The following NR3C2 variants were observed in gnomAD, a reference collection of about 807,000 sequenced individuals.
NR3C2 encodes the protein nuclear receptor subfamily 3 group C member 2.
In NR3C2, 15 loss-of-function variants were observed where a neutral mutation model predicts 86.4. That is an observed-to-expected ratio of 0.17 (90% CI 0.12 to 0.27). NR3C2 has a LOEUF of 0.27. NR3C2 is among the 10% of genes least tolerant of loss of function. The pLI is 1.00. For synonymous variants in NR3C2, 458 were observed against 450.5 expected (o/e 1.02, Z -0.21); for missense variants, 960 against 1,195.6 (o/e 0.80, Z 2.91).
chr4:148,430,038 A>G (rs17024720), intron 2 of NR3C2, among the ~76,000 whole-genome samples: 2,481 of 152,302 alleles, frequency 0.016, 58 homozygotes, highest in African/African-American at 0.057. Context: ...GTGGTGATCA[A>G]TATAACATCT....
At chr4:148,357,294 T>C (rs886185238) in intron 2 of NR3C2, among the ~76,000 whole-genome samples, 1 of 152,180 alleles carries the variant, frequency 6.6e-6, no homozygotes, top group Non-Finnish European at 1.5e-5. Context: ...CATTCATTTC[T>C]GTAGTAAAAG....
intron 2 of NR3C2, among the ~76,000 whole-genome samples, chr4:148,319,703 C>G (rs1403996780): frequency 6.6e-6 from 1 of 150,850 alleles, no homozygotes; most frequent in Non-Finnish European, 1.5e-5. Context: ...TATAAGAATG[C>G]TTGTGATTTT....
intron 2 of NR3C2, among the ~76,000 whole-genome samples, chr4:148,357,799 G>C (rs1337151895): frequency 1.3e-5 from 2 of 152,040 alleles, no homozygotes; most frequent in African/African-American, 2.4e-5. Context: ...AGAGATGTCA[G>C]CCACTTTAGT....
chr4:148,228,550 CAT>C (rs1334786159), intron 3 of NR3C2, among the ~76,000 whole-genome samples: 2 of 152,124 alleles, frequency 1.3e-5, no homozygotes, highest in African/African-American at 4.8e-5. Flanking sequence ...ATCTCCATTA[CAT>C]ATTATGGAAA....
At chr4:148,136,889 C>CTCACCAGCT (rs1342228676) in intron 6 of NR3C2, among the ~76,000 whole-genome samples, 1 of 152,172 alleles carries the variant, frequency 6.6e-6, no homozygotes, top group African/African-American at 2.4e-5. Flanking sequence ...TGTCCAGTAA[C>CTCACCAGCT]TCACCAGCTA....
chr4:148,345,270 G>T (rs973658267), intron 2 of NR3C2, among the ~76,000 whole-genome samples: 4 of 151,714 alleles, frequency 2.6e-5, no homozygotes, highest in African/African-American at 4.8e-5. Flanking sequence ...TTCAGAGAGA[G>T]ACAATACATA....
chr4:148,357,548 C>T (rs72656861), intron 2 of NR3C2, among the ~76,000 whole-genome samples: 7 of 152,104 alleles, frequency 4.6e-5, no homozygotes, highest in African/African-American at 1.7e-4. Context: ...TATAATGCTA[C>T]ACATATTCCT....
chr4:148,338,949 T>C (rs1449314506), intron 2 of NR3C2, among the ~76,000 whole-genome samples: 1 of 152,182 alleles, frequency 6.6e-6, no homozygotes. Context: ...ACATCCCTTT[T>C]GCAGTATTTG....
chr4:148,186,996 G>GTATA (rs1162757665), intron 4 of NR3C2, among the ~76,000 whole-genome samples: 148 of 27,114 alleles, frequency 5.5e-3, no homozygotes, highest in South Asian at 6.9e-3. Flanking sequence ...GTGTATGTAT[G>GTATA]TATATATATA....
chr4:148,286,516 T>C (rs1448371194), intron 2 of NR3C2, among the ~76,000 whole-genome samples: 1 of 152,344 alleles, frequency 6.6e-6, no homozygotes, highest in East Asian at 1.9e-4. Context: ...AATCTGTTAA[T>C]TCATTAAGTA....
chr4:148,403,425 G>A lies in NR3C2; in HGVS notation c.1757+31679C>T, dbSNP rs1253717277. On this transcript the variant is annotated intron_variant, in intron 2 of 8. Coordinates refer to ENST00000358102, the MANE Select transcript of NR3C2 (RefSeq NM_000901.5). ...ATTTTCCATTAGAAAGTAGCCAAGT[G>A]TTGAAAGGAAGGTGATCAAGCCCAT... Among the ~76,000 whole-genome samples, 3 of 152,008 alleles carry A rather than the reference G, an allele frequency of 2.0e-5. No homozygotes were observed. In the South Asian group the frequency reaches 6.2e-4, roughly 31 times the overall value.
chr4:148,384,272 T>C (rs1277150706), intron 2 of NR3C2, among the ~76,000 whole-genome samples: 1 of 152,134 alleles, frequency 6.6e-6, no homozygotes, highest in East Asian at 1.9e-4. Flanking sequence ...TTTCAAATTA[T>C]CAATATGAGA....
chr4:148,375,067 T>C (rs1238897579), intron 2 of NR3C2, among the ~76,000 whole-genome samples: 1 of 152,190 alleles, frequency 6.6e-6, no homozygotes, highest in East Asian at 1.9e-4. Flanking sequence ...AGACAATAAA[T>C]AAAATCTTAT....
At chr4:148,416,853 GC>G (rs766440849) in intron 2 of NR3C2, among the ~76,000 whole-genome samples, 4 of 151,884 alleles carry the variant, frequency 2.6e-5, no homozygotes, top group Non-Finnish European at 5.9e-5. Context: ...TTGGCTCACT[GC>G]AACCTCTATC....
chr4:148,273,550 C>T (rs537214192), intron 2 of NR3C2, among the ~76,000 whole-genome samples: 2 of 151,852 alleles, frequency 1.3e-5, no homozygotes, highest in East Asian at 3.9e-4. Flanking sequence ...GTAAAACTTA[C>T]CCAAACTGAA....
At chr4:148,403,789 C>G (rs1444024154) in intron 2 of NR3C2, among the ~76,000 whole-genome samples, 4 of 151,998 alleles carry the variant, frequency 2.6e-5, no homozygotes, top group Non-Finnish European at 4.4e-5. Context: ...CCTCTGATAA[C>G]TAGTTTATGT....
intron 4 of NR3C2, among the ~76,000 whole-genome samples, chr4:148,156,210 T>C (rs1395202324): frequency 6.6e-6 from 1 of 152,222 alleles, no homozygotes; most frequent in Non-Finnish European, 1.5e-5. Context: ...GGGCAAGGAC[T>C]TCATGTCTAA....
intron 2 of NR3C2, among the ~76,000 whole-genome samples, chr4:148,317,873 TTTTTC>T (rs1271397543): frequency 3.2e-4 from 45 of 142,226 alleles, no homozygotes; most frequent in Non-Finnish European, 1.1e-4. Context: ...AGCTGTTTTC[TTTTTC>T]TTTTTTTTTA....
At chr4:148,443,892 G>A (rs755803206), upstream of NR3C2, 5 of 657,858 alleles carry the variant, frequency 7.6e-6, no homozygotes, top group Non-Finnish European at 9.4e-6. Flanking sequence ...TGAACTCTCA[G>A]CCGCTCCAGT....
Sources: allele counts gnomAD v4.1 joint callset (sites outside exome capture counted in the v4.1 genomes callset), GRCh38; gene constraint gnomAD v4.1.1; transcripts MANE v1.5; gene names NCBI Gene and HGNC (gene_info 2026-07-23, HGNC 2026-07-21).